Variants in OSBPL2 observed in about 807,000 individuals in gnomAD.
OSBPL2 encodes oxysterol binding protein like 2.
A neutral mutation model predicts 58.4 loss-of-function variants in OSBPL2; 18 were observed. The ratio of observed to expected loss-of-function variants is 0.31; its 90% CI spans 0.21 to 0.46. OSBPL2 has a LOEUF of 0.46. Among genes scored for constraint, OSBPL2 ranks in the 20% least tolerant of loss-of-function variants. The pLI is 1.00. For missense variants in OSBPL2, 461 were observed against 616.5 expected, an observed-to-expected ratio of 0.75 and a Z score of 2.67; for synonymous variants, 221 against 234.1, an observed-to-expected ratio of 0.94 and a Z score of 0.51.
At chr20:62,290,084 C>A (rs1983392906) in intron 12 of OSBPL2, among the ~76,000 whole-genome samples, 1 of 152,230 alleles carries the variant, frequency 6.6e-6, no homozygotes, top group African/African-American at 2.4e-5. Flanking sequence ...CCTGCAGCCT[C>A]ACACTCTCCC....
rs1262921257 is a variant in OSBPL2 at position 62,283,297 on chromosome 20, GCC to G, written c.873-747_873-746del. Among the ~76,000 whole-genome samples, 5 of 152,154 alleles carry G rather than the reference GCC, an allele frequency of 3.3e-5. No individual in the cohort carries two copies. The East Asian group carries it at 9.6e-4, about 29-fold the overall frequency. On this transcript the variant is annotated intron_variant, in intron 9 of 13. Transcript: ENST00000313733. ...CAGGCTGTCTACTAGGTGAGGCCTG[GCC>G]CAGTTCCCCGCGTCTGTGTGCTGGC...
intron 1 of OSBPL2, among the ~76,000 whole-genome samples, chr20:62,245,908 CT>C (rs1568823392): frequency 6.6e-6 from 1 of 152,102 alleles, no homozygotes; most frequent in African/African-American, 2.4e-5. Flanking sequence ...GATTTTTTTC[CT>C]CGACAATTGG....
intron 3 of OSBPL2, among the ~76,000 whole-genome samples, chr20:62,262,098 C>T (rs1455109423): frequency 2.0e-5 from 3 of 149,812 alleles, no homozygotes; most frequent in African/African-American, 4.9e-5. Context: ...CCCCCCACCC[C>T]GTCACCCTCT....
intron 3 of OSBPL2, among the ~76,000 whole-genome samples, chr20:62,260,754 G>C (rs1319305696): frequency 2.6e-5 from 4 of 152,146 alleles, no homozygotes; most frequent in South Asian, 2.1e-4. Flanking sequence ...TTGGGAGGCT[G>C]AGACAGGTGG....
chr20:62,272,381 G>A, intron 5 of OSBPL2, 122 bp downstream of exon 5: 1 of 1,064,574 alleles, frequency 9.4e-7, no homozygotes, highest in Non-Finnish European at 1.3e-6. Context: ...CCAGTGTTCA[G>A]TGCCATCCTG....
chr20:62,243,493 G>A (rs1456530918), intron 1 of OSBPL2, among the ~76,000 whole-genome samples: 2 of 152,092 alleles, frequency 1.3e-5, no homozygotes, highest in Non-Finnish European at 2.9e-5. Flanking sequence ...CGCCTCTTCA[G>A]TGGCTCGGCT....
intron 6 of OSBPL2, among the ~76,000 whole-genome samples, chr20:62,274,329 G>T (rs1982252200): frequency 6.6e-6 from 1 of 152,240 alleles, no homozygotes; most frequent in Non-Finnish European, 1.5e-5. Flanking sequence ...CCATTGAGCA[G>T]CCTGGCTGGG....
chr20:62,243,450 AGCGCCTGCCCCGCAGCGCCTGCCCGG>A, intron 1 of OSBPL2, among the ~76,000 whole-genome samples: 2 of 57,942 alleles, frequency 3.5e-5, no homozygotes, highest in Non-Finnish European at 5.2e-5. Flanking sequence ...CCTGCCCCGC[AGCGCCTGCCCCGCAGCGCCTGCCCGG>A]CAGCTCCGCC....
At chr20:62,248,155 C>CTTTTTTTTTTTTTTTTTTTTTTTT (rs11470491) in intron 1 of OSBPL2, among the ~76,000 whole-genome samples, 1 of 118,854 alleles carries the variant, frequency 8.4e-6, no homozygotes, top group African/African-American at 3.2e-5. Flanking sequence ...CTTTTCTTTT[C>CTTTTTTTTTTTTTTTTTTTTTTTT]TTTTTTTTTT....
At position 62,269,307 on chromosome 20, in the gene OSBPL2, T is replaced by C. The variant is rs1981898609; in HGVS notation, c.259-2818T>C. On this transcript the variant is annotated intron_variant, in intron 4 of 13. Transcript: ENST00000313733. The surrounding 1 kb of genome is among the most constrained non-coding windows in gnomAD (Gnocchi z 4.2). ...CATACGGGTCATTTCTGATCTTTCATGGATCCAGCCGTGCGGCAGCAAAGA... is the reference window on the plus strand; with the variant it reads ...CATACGGGTCATTTCTGATCTTTCACGGATCCAGCCGTGCGGCAGCAAAGA... Among the ~76,000 whole-genome samples, 1 of 152,184 alleles carries C rather than the reference T, an allele frequency of 6.6e-6. No homozygotes were observed. Among genetic ancestry groups the C allele is most frequent in the South Asian group, 2.1e-4 (1 of 4,830 alleles).
intron 1 of OSBPL2, among the ~76,000 whole-genome samples, chr20:62,250,118 G>A (rs1473402862): frequency 1.3e-5 from 2 of 152,218 alleles, no homozygotes; most frequent in Admixed American, 1.3e-4. Context: ...TCATGAGGGC[G>A]GGACCACCAC....
intron 1 of OSBPL2, among the ~76,000 whole-genome samples, chr20:62,248,892 TCTCA>T (rs1287078153): frequency 1.3e-5 from 2 of 152,026 alleles, no homozygotes; most frequent in African/African-American, 4.8e-5. Context: ...ACAGACAGTA[TCTCA>T]CTGTGTTGCT....
intron 10 of OSBPL2, 122 bp from the exon 11 acceptor site, chr20:62,286,461 A>C (rs906467555): frequency 6.9e-5 from 79 of 1,139,780 alleles, no homozygotes; most frequent in Non-Finnish European, 9.1e-5. Flanking sequence ...AAAAAAAAAA[A>C]AGGAGAAGGC....
chr20:62,241,778 A>T (rs1979755240), intron 1 of OSBPL2, among the ~76,000 whole-genome samples: 1 of 152,236 alleles, frequency 6.6e-6, no homozygotes, highest in Non-Finnish European at 1.5e-5. Flanking sequence ...ACACCTGCTG[A>T]AGCTGGAGCC....
intron 12 of OSBPL2, among the ~76,000 whole-genome samples, chr20:62,289,968 TTATTAA>T (rs1180342819): frequency 9.9e-5 from 15 of 152,198 alleles, no homozygotes. Flanking sequence ...TAATTTGTTA[TTATTAA>T]ATTAAACAAA....
intron 9 of OSBPL2, among the ~76,000 whole-genome samples, chr20:62,283,123 T>C (rs1483798712): frequency 6.6e-6 from 1 of 152,092 alleles, no homozygotes; most frequent in African/African-American, 2.4e-5. Flanking sequence ...CCTCAGTGAG[T>C]GCATGTAAAA....
At chr20:62,245,495 G>T (rs1941651059) in intron 1 of OSBPL2, among the ~76,000 whole-genome samples, 1 of 152,218 alleles carries the variant, frequency 6.6e-6, no homozygotes, top group Admixed American at 6.5e-5. Context: ...AACCATACAG[G>T]CCTGAAGAAG....
intron 4 of OSBPL2, among the ~76,000 whole-genome samples, chr20:62,267,114 G>A (rs145432387): frequency 0.016 from 2,390 of 152,334 alleles, 29 homozygotes; most frequent in Non-Finnish European, 0.023. Context: ...GCATGGTGGC[G>A]CATGCCTGGG....
In OSBPL2 at chr20:62,279,191, G is replaced by A; in HGVS notation, c.526G>A (p.Val176Ile). The change falls in exon 7 of 14, where the codon GTC (valine) becomes ATC (isoleucine). Residue 176 changes from valine (V) to isoleucine (I), a missense_variant. Physicochemically the swap from Val to Ile is conservative, Grantham distance 29. This residue lies in a region of OSBPL2 where 319 missense variants were observed against 419.2 expected (regional missense o/e 0.76). Coordinates refer to ENST00000313733, the MANE Select transcript of OSBPL2 (RefSeq NM_144498.4). ...DLGFRFISEQ[V>I]SHHPPISAFH... is the part of the protein sequence containing the mutation. ...AGGATTCAGATTTATATCGGAACAGGTCAGTCACCACCCCCCCATCAGTGC... is the reference window on the plus strand; with the variant it reads ...AGGATTCAGATTTATATCGGAACAGATCAGTCACCACCCCCCCATCAGTGC... 14 of 1,614,124 alleles carry A rather than the reference G, an allele frequency of 8.7e-6. No homozygotes were observed. Among genetic ancestry groups the A allele is most frequent in the Non-Finnish European group, 1.2e-5 (14 of 1,180,010 alleles).
Sources: allele counts gnomAD v4.1 joint callset (sites outside exome capture counted in the v4.1 genomes callset), GRCh38; gene constraint gnomAD v4.1.1; regional missense constraint gnomAD v4.1.1; non-coding constraint Gnocchi (gnomAD v3.1); transcripts MANE v1.5; gene names NCBI Gene and HGNC (gene_info 2026-07-23, HGNC 2026-07-21).